PEX5: variants seen among roughly 807,000 people sequenced by gnomAD.
PEX5 encodes PTS1 receptor.
PEX5 carries 52 observed loss-of-function variants against 82.9 expected under a neutral mutation model. The observed-to-expected ratio is 0.63, with a 90% CI of 0.50 to 0.79. The LOEUF (loss-of-function observed/expected upper bound fraction) is 0.79. Among genes scored for constraint, PEX5 ranks in the 30% least tolerant of loss-of-function variants. The pLI, the probability that PEX5 is intolerant of heterozygous loss-of-function variation, is 0.00. For missense variants in PEX5, 719 were observed against 815.2 expected (o/e 0.88, Z 1.44); for synonymous variants, 300 against 318.8 (o/e 0.94, Z 0.63).
At chr12:7,200,028 CCGCA>C (rs1943532794) in intron 6 of PEX5, among the ~76,000 whole-genome samples, 1 of 77,734 alleles carries the variant, frequency 1.3e-5, no homozygotes, top group Non-Finnish European at 3.4e-5. Context: ...GGGGGCTGAC[CCGCA>C]CCTCCCTCCC....
intron 14 of PEX5, 26 bp from the exon 15 acceptor site, chr12:7,209,657 C>G (rs1408802000): frequency 2.8e-6 from 3 of 1,081,990 alleles, no homozygotes; most frequent in Non-Finnish European, 3.5e-6. Context: ...CAAGCTGTTC[C>G]CATCCGTTCT....
Position 7,191,696 on chromosome 12 carries a change from T to TA in PEX5, c.445dup (p.Thr149AsnfsTer13). The TA allele has an allele frequency of 6.2e-7, 1 of 1,613,744 alleles. No homozygotes were observed. Among genetic ancestry groups the TA allele is most frequent in the Non-Finnish European group, 8.5e-7 (1 of 1,179,634 alleles). ...GGTCCCAAGAATTCATCTCTGAAGT[T>TA]ACAGGTGAAACTTGTTATGGGAAAA... On this transcript the variant is annotated frameshift_variant, in exon 5 of 16. Transcript: ENST00000675855. LOFTEE classifies it high-confidence loss of function.
chr12:7,196,134 ATTTC>A (rs1942068112), intron 5 of PEX5, among the ~76,000 whole-genome samples: 2 of 48,054 alleles, frequency 4.2e-5, no homozygotes, highest in African/African-American at 9.1e-5. Flanking sequence ...TATATAATGT[ATTTC>A]TTATTACATA....
chr12:7,215,466 G>T (rs1045787907), downstream of PEX5, among the ~76,000 whole-genome samples: 3 of 152,190 alleles, frequency 2.0e-5, no homozygotes, highest in Admixed American at 2.0e-4. Context: ...CAGTATTCAT[G>T]ATAGCAACGA....
At chr12:7,214,375 A>C (rs1424347198), downstream of PEX5, among the ~76,000 whole-genome samples, 2 of 152,018 alleles carry the variant, frequency 1.3e-5, no homozygotes, top group African/African-American at 4.8e-5. Context: ...TACACCATGG[A>C]ATACTATGCA....
intron 5 of PEX5, among the ~76,000 whole-genome samples, chr12:7,196,496 A>T (rs1211860111): frequency 7.5e-6 from 1 of 133,492 alleles, no homozygotes; most frequent in African/African-American, 2.7e-5. Flanking sequence ...ATAATGTAAT[A>T]ATTATATATG....
intron 6 of PEX5, among the ~76,000 whole-genome samples, chr12:7,201,187 G>A (rs775718161): frequency 1.3e-3 from 192 of 143,210 alleles, no homozygotes; most frequent in East Asian, 8.7e-3. Flanking sequence ...ATGTACACAC[G>A]CATACATACA....
At chr12:7,209,977 A>G in intron 15 of PEX5, 45 bp from the exon 16 acceptor site, 1 of 1,607,244 alleles carries the variant, frequency 6.2e-7, no homozygotes, top group East Asian at 2.2e-5. Flanking sequence ...GCTTCCTTCC[A>G]TTGTTGTTCA....
At chr12:7,190,326 T>A (rs376990964) in intron 1 of PEX5, 36 bp from the exon 2 acceptor site, 6 of 1,610,566 alleles carry the variant, frequency 3.7e-6, no homozygotes, top group Non-Finnish European at 4.2e-6. Flanking sequence ...GGGTCTGGCT[T>A]GGGTACCTCA....
chr12:7,213,346 T>A (rs1303973496), downstream of PEX5, among the ~76,000 whole-genome samples: 5 of 151,854 alleles, frequency 3.3e-5, no homozygotes, highest in African/African-American at 7.3e-5. Flanking sequence ...AAGGCTACAG[T>A]AACCAAAACA....
rs767398178 is a variant in PEX5 at position 7,191,546 on chromosome 12, G to C, written c.317-23G>C. On this transcript the variant is annotated intron_variant, in intron 4 of 15. Transcript: ENST00000675855. ...AATGGTATGTATGTATTCTTTCTTA[G>C]TTTTCTCTCTCTCTCTTTTAAGCCC... The C allele has an allele frequency of 1.9e-6, 3 of 1,613,516 alleles. No homozygotes were observed. The South Asian group carries it at 3.3e-5, about 18-fold the overall frequency.
intron 7 of PEX5, 197 bp from the exon 8 acceptor site, chr12:7,202,044 T>G (rs1216628315): frequency 3.5e-6 from 3 of 846,754 alleles, no homozygotes; most frequent in Non-Finnish European, 5.7e-6. Flanking sequence ...AACTCTTTTT[T>G]CTGATGCCTT....
At chr12:7,211,964 T>G (rs199960613), downstream of PEX5, among the ~76,000 whole-genome samples, 2 of 91,986 alleles carry the variant, frequency 2.2e-5, no homozygotes, top group African/African-American at 4.1e-5. Context: ...AATTTTTTTT[T>G]TTTTGTTTTT....
intron 17 of PEX5, among the ~76,000 whole-genome samples, chr12:7,216,949 T>C (rs1168191802): frequency 6.6e-6 from 1 of 152,250 alleles, no homozygotes; most frequent in African/African-American, 2.4e-5. Flanking sequence ...TATTACTTTA[T>C]TCACACTAAT....
At chr12:7,195,324 A>C (rs759768220) in intron 5 of PEX5, among the ~76,000 whole-genome samples, 2 of 152,178 alleles carry the variant, frequency 1.3e-5, no homozygotes, top group Non-Finnish European at 2.9e-5. Context: ...AGTTGCCTTG[A>C]TCTCAGATGT....
intron 2 of PEX5, 130 bp from the exon 3 acceptor site, chr12:7,190,758 C>G (rs373293345): frequency 1.2e-5 from 15 of 1,295,702 alleles, no homozygotes; most frequent in Non-Finnish European, 1.6e-5. Context: ...CACTAGAAAA[C>G]CCTGTGCACC....
rs1945399610 is a variant in PEX5 at position 7,210,247 on chromosome 12, G to GTGTC, written c.*25_*28dup. 1.2e-6 allele frequency: 2 copies of GTGTC among 1,606,298 alleles called. No homozygotes were observed. The highest frequency in any genetic ancestry group is 1.7e-6 in the Non-Finnish European group (2 of 1,173,652). ...GACAGTGGGACGGGCTGCCCTGTGAGTGTCCACCTGGAGGGATCCCCGCTT... is the reference window on the plus strand; with the variant it reads ...GACAGTGGGACGGGCTGCCCTGTGAGTGTCTGTCCACCTGGAGGGATCCCCGCTT... On this transcript the variant is annotated 3_prime_UTR_variant, in exon 16 of 16. Coordinates refer to ENST00000675855, the MANE Select transcript of PEX5 (RefSeq NM_001351132.2).
At chr12:7,199,478 C>T (rs1396693970) in intron 6 of PEX5, among the ~76,000 whole-genome samples, 3 of 150,766 alleles carry the variant, frequency 2.0e-5, no homozygotes, top group Non-Finnish European at 3.0e-5. Flanking sequence ...CCATTTAACC[C>T]TGAGTGAACA....
chr12:7,215,660 G>C (rs561079974), downstream of PEX5, among the ~76,000 whole-genome samples: 4 of 152,130 alleles, frequency 2.6e-5, no homozygotes, highest in Non-Finnish European at 5.9e-5. Flanking sequence ...AAATACCACA[G>C]ATTCTCACTT....
Sources: allele counts gnomAD v4.1 joint callset (sites outside exome capture counted in the v4.1 genomes callset), GRCh38; gene constraint gnomAD v4.1.1; transcripts MANE v1.5; gene names NCBI Gene and HGNC (gene_info 2026-07-23, HGNC 2026-07-21).